Variants in ALPK1 observed in about 807,000 individuals in gnomAD.
ALPK1 encodes alpha kinase 1, also known as alpha-protein kinase 1.
Under a neutral mutation model 120.6 loss-of-function variants are expected in ALPK1, and 110 were observed. That is an observed-to-expected ratio of 0.91 (90% CI 0.78 to 1.07). The LOEUF (loss-of-function observed/expected upper bound fraction) is 1.07, where lower values mean the gene tolerates loss of function less well. Ranked by LOEUF, ALPK1 falls within the 50% of genes least tolerant of loss-of-function variation. ALPK1 has a pLI of 0.00. For missense variants in ALPK1, 1,498 were observed against 1,483.9 expected (o/e 1.01, Z -0.16); for synonymous variants, 582 against 560.3 (o/e 1.04, Z -0.55).
intron 2 of ALPK1, among the ~76,000 whole-genome samples, chr4:112,330,628 G>A (rs933668585): frequency 1.5e-4 from 23 of 152,210 alleles, no homozygotes; most frequent in African/African-American, 5.6e-4. Context: ...GTCCTTGGGT[G>A]AAACAAGACC....
chr4:112,330,467 C>A (rs1729317643), intron 2 of ALPK1, among the ~76,000 whole-genome samples: 1 of 152,134 alleles, frequency 6.6e-6, no homozygotes, highest in African/African-American at 2.4e-5. Context: ...TGCACTACCA[C>A]CCAAAGAGGG....
chr4:112,319,495 CT>C, intron 2 of ALPK1, among the ~76,000 whole-genome samples: 1 of 152,208 alleles, frequency 6.6e-6, no homozygotes, highest in Admixed American at 6.5e-5. Flanking sequence ...CGGATTTGTT[CT>C]TTTTGCTTAG....
intron 1 of ALPK1, among the ~76,000 whole-genome samples, chr4:112,300,760 A>G (rs1392634902): frequency 6.6e-6 from 1 of 151,298 alleles, no homozygotes; most frequent in African/African-American, 2.4e-5. Context: ...TGTGCAAATA[A>G]CCTCTTAACT....
At chr4:112,302,427 T>G (rs906385335) in intron 1 of ALPK1, 1 of 152,348 alleles carries the variant, frequency 6.6e-6, no homozygotes, top group Non-Finnish European at 1.5e-5. Context: ...CTGAAGGTTT[T>G]TCATTCTCCT....
intron 2 of ALPK1, among the ~76,000 whole-genome samples, chr4:112,339,985 T>C (rs891870591): frequency 6.6e-6 from 1 of 152,248 alleles, no homozygotes; most frequent in African/African-American, 2.4e-5. Flanking sequence ...TCTCTTCAAG[T>C]GCAGTCCAGC....
chr4:112,332,762 C>T (rs1729442029), intron 2 of ALPK1, among the ~76,000 whole-genome samples: 1 of 152,178 alleles, frequency 6.6e-6, no homozygotes, highest in East Asian at 1.9e-4. Context: ...TCACCCAACC[C>T]TCTTAAGCTT....
chr4:112,309,554 G>A (rs955811558), intron 1 of ALPK1, among the ~76,000 whole-genome samples: 9 of 152,198 alleles, frequency 5.9e-5, no homozygotes, highest in Non-Finnish European at 1.3e-4. Flanking sequence ...AGCCAGGCGT[G>A]GGATATAATC....
chr4:112,358,832 C>A, intron 2 of ALPK1: 1 of 809,190 alleles, frequency 1.2e-6, no homozygotes, highest in Non-Finnish European at 2.2e-6. Context: ...TTGCCACCTT[C>A]ACCCAGGCCC....
rs750213241 is a variant in ALPK1, at chr4:112,412,008, G to A, written c.458G>A (p.Arg153Gln). 1.2e-6 allele frequency: 2 copies of A among 1,614,000 alleles called. No homozygotes were observed. Among genetic ancestry groups the A allele is most frequent in the Non-Finnish European group, 1.7e-6 (2 of 1,180,028 alleles). Residue 153 changes from arginine (R) to glutamine (Q), a missense_variant, in exon 5 of 16, where the codon CGA (arginine) becomes CAA (glutamine). Arg to Gln is a conservative substitution (Grantham distance 43). Transcript: ENST00000650871. ...CCGCAGGTGGTTATTCGCCAAGCCC[G>A]AATCTCCGTGAACTCAGGTATGCTC... is the stretch of plus-strand genomic sequence containing the variant. ...IAPQVVIRQA[R>Q]ISVNSGKLLK...
chr4:112,382,005 A>G (rs1401783101), intron 3 of ALPK1, among the ~76,000 whole-genome samples: 7 of 152,230 alleles, frequency 4.6e-5, no homozygotes. Context: ...ACACTGCATC[A>G]TCCACCTGCC....
At chr4:112,386,552 C>T (rs889811078) in intron 4 of ALPK1, among the ~76,000 whole-genome samples, 2 of 152,158 alleles carry the variant, frequency 1.3e-5, no homozygotes, top group Admixed American at 6.5e-5. Context: ...TCACAGGCTA[C>T]GGCGACCTAA....
chr4:112,430,493 T>C lies in ALPK1; in HGVS notation c.946T>C (p.Cys316Arg). 1 of 1,613,110 alleles carries C rather than the reference T, an allele frequency of 6.2e-7. No individual in the cohort carries two copies. Among genetic ancestry groups the C allele is most frequent in the Non-Finnish European group, 8.5e-7 (1 of 1,179,546 alleles). The part of the protein sequence containing the change: ...CLLSYSSSND[C>R]PPELKNLHLC... The stretch of plus-strand genomic sequence containing the variant: ...ATTGTCCTACAGTAGTTCAAATGAC[T>C]GTCCTCCAGAATTGAAAAACTTACA... Residue 316 changes from cysteine to arginine, a missense_variant, in exon 11 of 16, where the codon TGT becomes CGT. Coordinates refer to ENST00000650871, the MANE Select transcript of ALPK1 (RefSeq NM_025144.4).
At chr4:112,421,875 T>A (rs931248553) in intron 5 of ALPK1, among the ~76,000 whole-genome samples, 1 of 152,206 alleles carries the variant, frequency 6.6e-6, no homozygotes, top group Non-Finnish European at 1.5e-5. Context: ...GGCATATGAA[T>A]TTTTTCCTTC....
At chr4:112,396,999 A>T (rs997421510) in intron 4 of ALPK1, among the ~76,000 whole-genome samples, 4 of 151,898 alleles carry the variant, frequency 2.6e-5, no homozygotes, top group African/African-American at 9.7e-5. Flanking sequence ...CTGATCTCGA[A>T]CTCCTGAGCT....
chr4:112,399,323 AT>A (rs1732803719), intron 4 of ALPK1, among the ~76,000 whole-genome samples: 1 of 152,206 alleles, frequency 6.6e-6, no homozygotes, highest in Non-Finnish European at 1.5e-5. Flanking sequence ...TTAAAGAGGG[AT>A]TGATTTGCTC....
At chr4:112,408,208 C>G (rs555516474) in intron 4 of ALPK1, among the ~76,000 whole-genome samples, 8 of 152,250 alleles carry the variant, frequency 5.3e-5, no homozygotes, top group African/African-American at 1.7e-4. Context: ...GAGTACCCCC[C>G]AAGGTCCATA....
intron 2 of ALPK1, among the ~76,000 whole-genome samples, chr4:112,344,242 A>G (rs986661367): frequency 2.0e-5 from 3 of 149,780 alleles, no homozygotes; most frequent in Non-Finnish European, 4.5e-5. Context: ...CTCTTACTAG[A>G]CAAAACTCCC....
intron 5 of ALPK1, among the ~76,000 whole-genome samples, chr4:112,418,547 C>T (rs1038017541): frequency 6.6e-6 from 1 of 152,154 alleles, no homozygotes; most frequent in East Asian, 1.9e-4. Context: ...AAGTGGTACC[C>T]GCAGTGGCCT....
At chr4:112,329,774 C>G (rs867096507) in intron 2 of ALPK1, among the ~76,000 whole-genome samples, 1 of 152,134 alleles carries the variant, frequency 6.6e-6, no homozygotes, top group Non-Finnish European at 1.5e-5. Flanking sequence ...GGCCATCTGA[C>G]GTGAAATCAC....
Sources: gnomAD v4.1 joint callset for allele counts (sites outside exome capture counted in the v4.1 genomes callset) on GRCh38, gnomAD v4.1.1 for gene constraint, MANE v1.5 for transcripts, NCBI Gene and HGNC (gene_info 2026-07-23, HGNC 2026-07-21) for gene names.